The following SMIM36 variants were observed in gnomAD, a reference collection of about 807,000 sequenced individuals.
SMIM36 encodes the protein small integral membrane protein 36.
intron 3 of SMIM36, among the ~76,000 whole-genome samples, chr17:55,477,866 T>C (rs923694167): frequency 1.5e-4 from 22 of 146,532 alleles, no homozygotes; most frequent in Admixed American, 7.6e-4. Context: ...TTTTTTTTTT[T>C]AAGAGAGAGA....
intron 4 of SMIM36, among the ~76,000 whole-genome samples, chr17:55,451,231 G>A (rs1908911311): frequency 6.6e-6 from 1 of 152,040 alleles, no homozygotes; most frequent in African/African-American, 2.4e-5. Flanking sequence ...AATTCCAGAT[G>A]GTGGCATAAC....
At chr17:55,450,914 T>C (rs933901223) in intron 4 of SMIM36, among the ~76,000 whole-genome samples, 1 of 151,806 alleles carries the variant, frequency 6.6e-6, no homozygotes, top group African/African-American at 2.4e-5. Flanking sequence ...TGAGACGGAG[T>C]CTCGCTCTGT....
intron 3 of SMIM36, among the ~76,000 whole-genome samples, chr17:55,473,224 T>A (rs1909371669): frequency 6.6e-6 from 1 of 152,126 alleles, no homozygotes; most frequent in Admixed American, 6.5e-5. Flanking sequence ...CTTAAGACCA[T>A]CACCTCTCAA....
chr17:55,493,472 G>A (rs140272225), intron 1 of SMIM36, among the ~76,000 whole-genome samples: 9 of 152,218 alleles, frequency 5.9e-5, no homozygotes, highest in African/African-American at 7.2e-5. Context: ...GTCAAGGGTC[G>A]CACCTATTTT....
rs142777495 is a variant in SMIM36, at chr17:55,486,317, G to A, written c.*175-6737C>T. Among the ~76,000 whole-genome samples the A allele has an allele frequency of 3.8e-4, 58 of 152,266 alleles. No individual in the cohort carries two copies. In the East Asian group the frequency reaches 0.01, roughly 27 times the overall value. ...CTCCCAGAGTGCTAGGATTACAGGC[G>A]TGAGCTATGGCTCCCCGCCCAGTAA... is the stretch of plus-strand genomic sequence containing the variant. On this transcript the variant is annotated intron_variant, in intron 1 of 4. Coordinates refer to ENST00000636752, the Ensembl canonical transcript of SMIM36.
intron 1 of SMIM36, among the ~76,000 whole-genome samples, chr17:55,508,102 G>T (rs1910111046): frequency 6.6e-6 from 1 of 152,016 alleles, no homozygotes; most frequent in Admixed American, 6.6e-5. Flanking sequence ...GTCTGGTGGT[G>T]CATTAGAGTG....
the SMIM36 span, among the ~76,000 whole-genome samples, chr17:55,523,542 A>C: frequency 6.6e-6 from 1 of 151,854 alleles, no homozygotes. Context: ...AAAAAAAAAA[A>C]AAAAAACATG....
intron 4 of SMIM36, among the ~76,000 whole-genome samples, chr17:55,464,105 G>T (rs771881147): frequency 3.9e-5 from 6 of 151,996 alleles, no homozygotes; most frequent in African/African-American, 7.2e-5. Flanking sequence ...ACAAAGCAAG[G>T]CCCTGTCTCA....
chr17:55,471,720 C>G (rs188404491), intron 3 of SMIM36, among the ~76,000 whole-genome samples: 1 of 152,330 alleles, frequency 6.6e-6, no homozygotes, highest in African/African-American at 2.4e-5. Context: ...CTCCTTGACT[C>G]ATCCCATCCT....
At chr17:55,528,343 T>C in the SMIM36 span, among the ~76,000 whole-genome samples, 1 of 152,070 alleles carries the variant, frequency 6.6e-6, no homozygotes, top group Non-Finnish European at 1.5e-5. Flanking sequence ...GTTCTTTTTT[T>C]TCAATTTCAT....
upstream of SMIM36, among the ~76,000 whole-genome samples, chr17:55,512,241 G>C (rs1014505439): frequency 1.3e-5 from 2 of 152,172 alleles, no homozygotes; most frequent in Non-Finnish European, 2.9e-5. Flanking sequence ...GTGAAGACCC[G>C]AAGAGAAAGG....
At chr17:55,479,138 T>C (rs1909476185) in intron 2 of SMIM36, among the ~76,000 whole-genome samples, 1 of 152,188 alleles carries the variant, frequency 6.6e-6, no homozygotes, top group Non-Finnish European at 1.5e-5. Context: ...TTCTCAGCCT[T>C]TTGGTGTATG....
intron 4 of SMIM36, among the ~76,000 whole-genome samples, chr17:55,458,792 G>A (rs1369045614): frequency 6.6e-6 from 1 of 152,048 alleles, no homozygotes. Flanking sequence ...CCAACTGCAG[G>A]GGAAGACTAC....
intron 2 of SMIM36, among the ~76,000 whole-genome samples, chr17:55,479,188 C>T (rs1473854011): frequency 1.3e-5 from 2 of 152,154 alleles, no homozygotes; most frequent in Non-Finnish European, 2.9e-5. Context: ...TTCAGTATTG[C>T]TACAATGACC....
At chr17:55,454,181 TA>T (rs946663225) in intron 4 of SMIM36, 64 of 152,302 alleles carry the variant, frequency 4.2e-4, no homozygotes, top group African/African-American at 1.5e-3. Context: ...TATTCATATT[TA>T]AAAAGTGGGT....
chr17:55,470,767 C>T (rs1163620252), intron 3 of SMIM36, among the ~76,000 whole-genome samples: 2 of 152,038 alleles, frequency 1.3e-5, no homozygotes, highest in African/African-American at 4.8e-5. Context: ...CCTTGGTGAC[C>T]GATCATGCAC....
intron 1 of SMIM36, among the ~76,000 whole-genome samples, chr17:55,484,016 C>G (rs1351025220): frequency 6.6e-6 from 1 of 151,860 alleles, no homozygotes; most frequent in Non-Finnish European, 1.5e-5. Context: ...TCCAGGGAAC[C>G]CTGACTAATA....
intron 1 of SMIM36, among the ~76,000 whole-genome samples, chr17:55,489,674 C>T (rs1297250189): frequency 6.6e-6 from 1 of 152,230 alleles, no homozygotes; most frequent in Non-Finnish European, 1.5e-5. Context: ...CAGATTACCT[C>T]ATTTGCAGGT....
At chr17:55,504,172 A>G (rs1359972467) in intron 1 of SMIM36, among the ~76,000 whole-genome samples, 3 of 111,738 alleles carry the variant, frequency 2.7e-5, no homozygotes, top group Non-Finnish European at 5.2e-5. Flanking sequence ...TCAACGAGAC[A>G]GAAAGTCAAC....
Sources: gnomAD v4.1 joint callset for allele counts (sites outside exome capture counted in the v4.1 genomes callset) on GRCh38, gnomAD v4.1.1 for gene constraint, MANE v1.5 for transcripts, NCBI Gene and HGNC (gene_info 2026-07-23, HGNC 2026-07-21) for gene names.